NDC80: variants seen among roughly 807,000 people sequenced by gnomAD.
NDC80 encodes NDC80 kinetochore complex component.
A neutral mutation model predicts 89.3 loss-of-function variants in NDC80; 69 were observed. The observed-to-expected ratio is 0.77, with a 90% CI of 0.64 to 0.94. NDC80 has a LOEUF of 0.94. Among genes scored for constraint, NDC80 ranks in the 40% least tolerant of loss-of-function variants. The probability of loss-of-function intolerance (pLI) is 0.00; values close to 1 mark genes in which losing one functional copy is unlikely to be tolerated. For missense variants in NDC80, 593 were observed against 739.6 expected (o/e 0.80, Z 2.30); for synonymous variants, 243 against 255.6 (o/e 0.95, Z 0.47).
intron 16 of NDC80, among the ~76,000 whole-genome samples, chr18:2,614,626 A>AAAGAAAG (rs2072773355): frequency 1.3e-5 from 1 of 76,056 alleles, no homozygotes; most frequent in Non-Finnish European, 2.5e-5. Context: ...AGAAAGAAAG[A>AAAGAAAG]AAGAAAGAAA....
At position 2,572,991 on chromosome 18, in the gene NDC80, G is replaced by C. The variant is rs2143625812; in HGVS notation, c.6G>C (p.Lys2Asn). 1 of 1,613,564 alleles carries C rather than the reference G, an allele frequency of 6.2e-7. No homozygotes were observed. Among genetic ancestry groups the C allele is most frequent in the South Asian group, 1.1e-5 (1 of 91,030 alleles). Residue 2 changes from lysine (K) to asparagine (N), a missense_variant, in exon 2 of 17, where the codon AAG becomes AAC. Physicochemically the swap from Lys to Asn is moderately conservative, Grantham distance 94 (BLOSUM62 0). Transcript: ENST00000261597. ...CGTGAATGTAGGTCATAAGCATGAA[G>C]CGCAGTTCAGTTTCCAGCGGTGGTG... MKRSSVSSGGAG... is the reference protein window; with the variant it reads MNRSSVSSGGAG...
chr18:2,590,549 C>G (rs1167133710), intron 10 of NDC80, among the ~76,000 whole-genome samples: 3 of 152,196 alleles, frequency 2.0e-5, no homozygotes, highest in African/African-American at 4.8e-5. Flanking sequence ...TTGTACTCTA[C>G]TACCTGTGTG....
Position 2,606,405 on chromosome 18 carries a change from A to G in NDC80, c.1465-10A>G. Reference sequence around the variant, plus strand: ...GTTATGATTTCTCAACCAAAGTTTTATTTCCCCAGTTGAATGCAATGATAA... The same window carrying G: ...GTTATGATTTCTCAACCAAAGTTTTGTTTCCCCAGTTGAATGCAATGATAA... On this transcript the variant is annotated splice_polypyrimidine_tract_variant and intron_variant, in intron 13 of 16. Transcript: ENST00000261597. The G allele has an allele frequency of 6.3e-7, 1 of 1,576,274 alleles. No individual in the cohort carries two copies.
intron 6 of NDC80, chr18:2,582,684 A>G (rs2072584420): frequency 6.6e-6 from 1 of 152,216 alleles, no homozygotes; most frequent in South Asian, 2.1e-4. Flanking sequence ...TTTGAAGGTT[A>G]TCCTATGCTT....
intron 11 of NDC80, among the ~76,000 whole-genome samples, chr18:2,597,028 G>C (rs1254332848): frequency 6.6e-6 from 1 of 152,078 alleles, no homozygotes; most frequent in Non-Finnish European, 1.5e-5. Context: ...GACTGTTGTG[G>C]GGTGGGGGAG....
chr18:2,597,205 AT>A (rs530427933), intron 11 of NDC80, among the ~76,000 whole-genome samples: 128 of 152,030 alleles, frequency 8.4e-4, no homozygotes, highest in African/African-American at 2.8e-3. Context: ...ATAAAATAAA[AT>A]AAAATAAAAT....
chr18:2,577,656 G>T, intron 3 of NDC80, 90 bp from the exon 4 acceptor site: 1 of 1,373,978 alleles, frequency 7.3e-7, no homozygotes, highest in East Asian at 2.3e-5. Flanking sequence ...GTTTGATGTT[G>T]ATGTTAAAAT....
rs1598243334 is a variant in NDC80, at chr18:2,600,671, A to G, written c.1375-725A>G. The stretch of plus-strand genomic sequence containing the variant: ...GCATCTTTTGCAAGGAGCAGGCCAA[A>G]ATTAAAACTCAGCAATAACTTCAAA... On this transcript the variant is annotated intron_variant, in intron 12 of 16. Transcript: ENST00000261597. Among the ~76,000 whole-genome samples, 3 of 152,216 alleles carry G rather than the reference A, an allele frequency of 2.0e-5. No individual in the cohort carries two copies. The South Asian group carries it at 6.2e-4, about 32-fold the overall frequency.
chr18:2,598,055 C>G (rs2072666337), intron 11 of NDC80, among the ~76,000 whole-genome samples: 1 of 152,126 alleles, frequency 6.6e-6, no homozygotes. Context: ...ACCAATTTAG[C>G]CAACATTTAA....
At chr18:2,598,083 CA>C (rs1344369894) in intron 11 of NDC80, among the ~76,000 whole-genome samples, 1 of 151,074 alleles carries the variant, frequency 6.6e-6, no homozygotes, top group East Asian at 1.9e-4. Context: ...GTAATAAGCC[CA>C]AAATTTAATG....
At chr18:2,588,390 C>T (rs1253532023) in intron 8 of NDC80, among the ~76,000 whole-genome samples, 2 of 151,958 alleles carry the variant, frequency 1.3e-5, no homozygotes, top group East Asian at 3.8e-4. Context: ...AGACATTATA[C>T]TTCCAAATAT....
rs1424294601 is a variant in NDC80, at chr18:2,589,290, C to A, written c.850C>A (p.Gln284Lys). 1 of 1,612,946 alleles carries A rather than the reference C, an allele frequency of 6.2e-7. No individual in the cohort carries two copies. Among genetic ancestry groups the A allele is most frequent in the Non-Finnish European group, 8.5e-7 (1 of 1,179,252 alleles). Residue 284 changes from glutamine (Q) to lysine (K), a missense_variant, in exon 9 of 17, where the codon CAA becomes AAA. Gln to Lys is a moderately conservative substitution (Grantham distance 53). Transcript: ENST00000261597. Reference sequence around the variant, plus strand: ...GAATGAACAGATTGCAAGATTGGAACAAGAAAGAGAAAAAGAACCGGTTAG... The same window carrying A: ...GAATGAACAGATTGCAAGATTGGAAAAAGAAAGAGAAAAAGAACCGGTTAG... Reference protein sequence around the residue: ...ALNEQIARLEQEREKEPNRLE... With the variant: ...ALNEQIARLEKEREKEPNRLE...
intron 2 of NDC80, among the ~76,000 whole-genome samples, 197 bp from the exon 3 acceptor site, chr18:2,574,792 A>G (rs1035201605): frequency 3.3e-5 from 5 of 152,216 alleles, no homozygotes; most frequent in Non-Finnish European, 5.9e-5. Context: ...CCCCAACATT[A>G]CAAGCATTAT....
chr18:2,579,634 C>T (rs9962800), intron 6 of NDC80, among the ~76,000 whole-genome samples: 2,371 of 152,178 alleles, frequency 0.016, 62 homozygotes, highest in African/African-American at 0.054. Flanking sequence ...ACCATGTTAG[C>T]CAGGCTGGTC....
intron 5 of NDC80, among the ~76,000 whole-genome samples, chr18:2,578,490 A>G (rs929527700): frequency 6.6e-6 from 1 of 152,204 alleles, no homozygotes; most frequent in African/African-American, 2.4e-5. Context: ...TGCTGAAGTG[A>G]CAGAGAATAG....
chr18:2,580,855 C>T (rs1264653628), intron 6 of NDC80, among the ~76,000 whole-genome samples: 1 of 147,632 alleles, frequency 6.8e-6, no homozygotes, highest in East Asian at 2.1e-4. Flanking sequence ...AGTTCTCTGC[C>T]TCAGCCTCCC....
chr18:2,582,594 T>G (rs1043881824), intron 6 of NDC80: 2 of 152,232 alleles, frequency 1.3e-5, no homozygotes, highest in African/African-American at 4.8e-5. Context: ...TATTTTTCAT[T>G]GTATCGTTTA....
intron 7 of NDC80, among the ~76,000 whole-genome samples, chr18:2,587,365 A>G (rs1466185654): frequency 6.6e-6 from 1 of 152,222 alleles, no homozygotes; most frequent in Non-Finnish European, 1.5e-5. Flanking sequence ...CTGAAGTTAC[A>G]ATGTAATTGT....
chr18:2,585,531 G>A (rs933039897), intron 7 of NDC80, among the ~76,000 whole-genome samples: 13 of 152,148 alleles, frequency 8.5e-5, no homozygotes, highest in African/African-American at 2.9e-4. Flanking sequence ...AGGTTGTATG[G>A]ATACTTGAAG....
Sources: allele counts gnomAD v4.1 joint callset (sites outside exome capture counted in the v4.1 genomes callset), GRCh38; gene constraint gnomAD v4.1.1; transcripts MANE v1.5; gene names NCBI Gene and HGNC (gene_info 2026-07-23, HGNC 2026-07-21).